F8: variants seen among roughly 807,000 people sequenced by gnomAD.
The protein encoded by F8 is antihemophilic factor.
Under a neutral mutation model 140.6 loss-of-function variants are expected in F8, and 12 were observed. The observed-to-expected ratio is 0.09, with a 90% CI of 0.05 to 0.14. The LOEUF (loss-of-function observed/expected upper bound fraction) is 0.14, where lower values mean the gene tolerates loss of function less well. F8 is among the 10% of genes least tolerant of loss of function. F8 has a pLI of 1.00. For synonymous variants in F8, 585 were observed against 614.6 expected (o/e 0.95, Z 0.71); for missense variants, 1,354 against 1,720.7 (o/e 0.79, Z 3.77).
At chrX:154,958,548 T>A (rs189110376) in intron 10 of F8, among the ~76,000 whole-genome samples, 71 of 112,063 alleles carry the variant, frequency 6.3e-4, no homozygotes, top group African/African-American at 2.1e-3. Flanking sequence ...TCTGTCACTA[T>A]GCCATTCTTC....
At chrX:154,996,658 G>C (rs187779719) in intron 3 of F8, among the ~76,000 whole-genome samples, 3 of 111,076 alleles carry the variant, frequency 2.7e-5, no homozygotes, top group Non-Finnish European at 5.7e-5. Context: ...AGTATATTCA[G>C]AAAAGCAATT....
intron 22 of F8, among the ~76,000 whole-genome samples, chrX:154,868,692 A>T (rs782668314): frequency 2.7e-5 from 3 of 111,774 alleles, no homozygotes; most frequent in Non-Finnish European, 5.6e-5. Flanking sequence ...ATTCACACAT[A>T]ACAATATTAA....
At chrX:154,852,405 C>T in intron 25 of F8, among the ~76,000 whole-genome samples, 1 of 111,706 alleles carries the variant, frequency 9.0e-6, no homozygotes. Context: ...AAAGATCCAA[C>T]TTCATTCTTT....
At chrX:154,876,473 G>T (rs2072817730) in intron 22 of F8, among the ~76,000 whole-genome samples, 1 of 111,545 alleles carries the variant, frequency 9.0e-6, no homozygotes, top group African/African-American at 3.3e-5. Flanking sequence ...CCAGGGAATA[G>T]AAAATATTAA....
At chrX:154,919,465 AAGTAGCAGC>A (rs145675075) in intron 14 of F8, 31,356 of 241,707 alleles carry the variant, frequency 0.13, 1,702 homozygotes, top group South Asian at 0.38. Context: ...AGAGCAAGTG[AAGTAGCAGC>A]AAAAGTGTCC....
At chrX:155,004,140 G>A (rs781952633) in intron 1 of F8, among the ~76,000 whole-genome samples, 149 of 110,622 alleles carry the variant, frequency 1.3e-3, no homozygotes, top group African/African-American at 4.6e-3. Context: ...ATCCAACTTC[G>A]CCTCAGAAAC....
intron 24 of F8, 59 bp downstream of exon 24, chrX:154,861,659 C>T (rs12556569): frequency 6.8e-6 from 8 of 1,180,152 alleles, no homozygotes; most frequent in South Asian, 1.8e-5. Flanking sequence ...AGGCCTTCCC[C>T]GATTTTTTCC....
At chrX:154,842,186 G>C (rs2072527077) in intron 25 of F8, among the ~76,000 whole-genome samples, 1 of 111,124 alleles carries the variant, frequency 9.0e-6, no homozygotes, top group Non-Finnish European at 1.9e-5. Context: ...AAATTTTTGT[G>C]GGATCTTTAT....
intron 1 of F8, among the ~76,000 whole-genome samples, chrX:155,002,743 T>C (rs2073653397): frequency 9.0e-6 from 1 of 111,237 alleles, no homozygotes; most frequent in South Asian, 3.8e-4. Context: ...AGAAGTCGAG[T>C]TGCTGGATCA....
At position 155,022,511 on chromosome X, in the gene F8, C is replaced by T; in HGVS notation, c.42G>A (p.Leu14=). The change falls in exon 1 of 26, where the codon TTG becomes TTA. Residue 14 remains leucine, a synonymous_variant. Transcript: ENST00000360256. Reference sequence around the variant, plus strand: ...TTCTGGTGGCACTAAAGCAGAATCGCAAAAGGCACAGAAAGAAGCAGGTGG... The same window carrying T: ...TTCTGGTGGCACTAAAGCAGAATCGTAAAAGGCACAGAAAGAAGCAGGTGG... ...ELSTCFFLCL[L]RFCFSATRRY... 1 of 1,211,302 alleles carries T rather than the reference C, an allele frequency of 8.3e-7. No individual in the cohort carries two copies.
At position 154,839,218 on chromosome X, in the gene F8, C is replaced by T. The variant is rs782129073; in HGVS notation, c.6901-1466G>A. Among the ~76,000 whole-genome samples, 10 of 109,545 alleles carry T rather than the reference C, an allele frequency of 9.1e-5. No homozygotes were observed. In the South Asian group the frequency reaches 1.6e-3, roughly 17 times the overall value. ...TCTTTTATCCATGTTTTTTACCCTT[C>T]GGGTCTCAGTTTAAATACCACCTCT... On this transcript the variant is annotated intron_variant, in intron 25 of 25. Transcript: ENST00000360256.
intron 11 of F8, among the ~76,000 whole-genome samples, chrX:154,956,548 C>T (rs1557281212): frequency 8.9e-6 from 1 of 112,195 alleles, no homozygotes; most frequent in Non-Finnish European, 1.9e-5. Context: ...GCCAGTCCCT[C>T]TGTTCGGGGT....
chrX:154,901,006 G>T (rs1335475129), intron 20 of F8, among the ~76,000 whole-genome samples: 1 of 112,772 alleles, frequency 8.9e-6, no homozygotes, highest in Non-Finnish European at 1.9e-5. Context: ...CATTTAGCCT[G>T]TGGGCAGTAG....
Position 154,930,559 on chromosome X carries a change from A to G in F8, c.3231T>C (p.Ala1077=). The part of the protein sequence containing the change: ...DRMLMDKNAT[A]LRLNHMSNKT... Reference sequence around the variant, plus strand: ...TATTTGACATATGATTTAGCCTCAAAGCTGTAGCATTTTTGTCCATAAGCA... The same window carrying G: ...TATTTGACATATGATTTAGCCTCAAGGCTGTAGCATTTTTGTCCATAAGCA... The change falls in exon 14 of 26, where the codon GCT becomes GCC. Residue 1077 remains alanine, a synonymous_variant. Coordinates refer to ENST00000360256, the MANE Select transcript of F8 (RefSeq NM_000132.4). 1 of 1,211,250 alleles carries G rather than the reference A, an allele frequency of 8.3e-7. No individual in the cohort carries two copies. The highest frequency in any genetic ancestry group is 1.1e-6 in the Non-Finnish European group (1 of 894,945).
chrX:154,977,016 T>C (rs1183921880), intron 6 of F8, among the ~76,000 whole-genome samples: 1 of 111,646 alleles, frequency 9.0e-6, no homozygotes, highest in Non-Finnish European at 1.9e-5. Flanking sequence ...TATCAGTATG[T>C]TTTAATCCCT....
At chrX:154,916,460 C>T (rs1403185415) in intron 14 of F8, among the ~76,000 whole-genome samples, 5 of 111,696 alleles carry the variant, frequency 4.5e-5, no homozygotes, top group African/African-American at 1.6e-4. Context: ...CTTTTTACTA[C>T]TGCTTCAATC....
intron 22 of F8, among the ~76,000 whole-genome samples, chrX:154,894,116 C>T (rs2072965449): frequency 9.0e-6 from 1 of 111,630 alleles, no homozygotes; most frequent in Admixed American, 9.5e-5. Flanking sequence ...GTTGAGTTGT[C>T]CCGCCTTTCT....
intron 14 of F8, among the ~76,000 whole-genome samples, chrX:154,909,868 GTCTTC>G (rs1174216325): frequency 8.9e-6 from 1 of 112,618 alleles, no homozygotes; most frequent in Admixed American, 9.3e-5. Flanking sequence ...AACATTCCCA[GTCTTC>G]TCTTCTAGCT....
chrX:154,943,336 C>T (rs1344459811), intron 13 of F8, among the ~76,000 whole-genome samples: 1 of 111,956 alleles, frequency 8.9e-6, no homozygotes, highest in Non-Finnish European at 1.9e-5. Context: ...GATACAAAAT[C>T]AATGTACAAA....
Sources: gnomAD v4.1 joint callset for allele counts (sites outside exome capture counted in the v4.1 genomes callset) on GRCh38, gnomAD v4.1.1 for gene constraint, MANE v1.5 for transcripts, NCBI Gene and HGNC (gene_info 2026-07-23, HGNC 2026-07-21) for gene names.